EPHA6: variants seen among roughly 807,000 people sequenced by gnomAD.
EPHA6 encodes the protein EPH receptor A6, also known as ephrin type-A receptor 6.
Under a neutral mutation model 112.0 loss-of-function variants are expected in EPHA6, and 50 were observed. That is an observed-to-expected ratio of 0.45 (90% CI 0.36 to 0.56). The LOEUF is 0.56. Among genes scored for constraint, EPHA6 ranks in the 20% least tolerant of loss-of-function variants. The pLI is 0.00. For synonymous variants in EPHA6, 529 were observed against 490.7 expected, an observed-to-expected ratio of 1.08 and a Z score of -1.03; for missense variants, 1,280 against 1,417.4, an observed-to-expected ratio of 0.90 and a Z score of 1.56.
rs77277802 is a variant in EPHA6, at chr3:97,722,214, G to A, written c.2934+1804G>A. Among the ~76,000 whole-genome samples the A allele has an allele frequency of 6.8e-3, 1,035 of 152,216 alleles. 13 individuals carry two copies. The highest frequency in any genetic ancestry group is 0.024 in the African/African-American group (995 of 41,528). Reference sequence around the variant, plus strand: ...ACTGGTATCAGTAAGAAGTTCTTGAGCATCCATAGATGGCATATGTATATT... The same window carrying A: ...ACTGGTATCAGTAAGAAGTTCTTGAACATCCATAGATGGCATATGTATATT... On this transcript the variant is annotated intron_variant, in intron 15 of 17. Coordinates refer to ENST00000389672, the MANE Select transcript of EPHA6 (RefSeq NM_001080448.3).
intron 3 of EPHA6, among the ~76,000 whole-genome samples, chr3:97,047,521 AGAAAC>A (rs1460448410): frequency 1.3e-5 from 2 of 149,846 alleles, no homozygotes; most frequent in Non-Finnish European, 3.0e-5. Context: ...AAAAAAAAAA[AGAAAC>A]CAGAAGAGAA....
chr3:96,969,196 A>G (rs1279002905), intron 2 of EPHA6, among the ~76,000 whole-genome samples: 1 of 151,966 alleles, frequency 6.6e-6, no homozygotes, highest in African/African-American at 2.4e-5. Context: ...GAATTTTCCC[A>G]TTATATATGT....
chr3:97,516,349 C>T lies in EPHA6; in HGVS notation c.2201-16009C>T, dbSNP rs529776857. On this transcript the variant is annotated intron_variant, in intron 10 of 17. Transcript: ENST00000389672. ...ACAAGCCTTGTTAAGCATGAGAAAT[C>T]TTGCATAATATTGAACCTCTCTGTG... Among the ~76,000 whole-genome samples, 6 of 152,264 alleles carry T rather than the reference C, an allele frequency of 3.9e-5. No individual in the cohort carries two copies. In the East Asian group the frequency reaches 9.7e-4, roughly 25 times the overall value.
At chr3:97,188,636 T>C (rs2077219302) in intron 3 of EPHA6, among the ~76,000 whole-genome samples, 1 of 151,776 alleles carries the variant, frequency 6.6e-6, no homozygotes, top group Admixed American at 6.6e-5. Context: ...TATCATATGT[T>C]TGAAATATTT....
At chr3:97,112,864 T>C (rs1256632167) in intron 3 of EPHA6, among the ~76,000 whole-genome samples, 5 of 152,134 alleles carry the variant, frequency 3.3e-5, no homozygotes, top group Admixed American at 6.6e-5. Flanking sequence ...TACCAGTAAG[T>C]GATAGGATAG....
intron 14 of EPHA6, among the ~76,000 whole-genome samples, chr3:97,687,210 G>A (rs545349182): frequency 1.5e-4 from 22 of 151,654 alleles, no homozygotes; most frequent in African/African-American, 3.1e-4. Context: ...CATCTTTTTC[G>A]AGTGCTTTAT....
chr3:97,612,331 G>C (rs1560190037), intron 13 of EPHA6: 1 of 383,562 alleles, frequency 2.6e-6, no homozygotes, highest in African/African-American at 2.1e-5. Context: ...TGATGCTTGG[G>C]TTAGGTTGGT....
At chr3:97,511,261 G>A (rs1390593984) in intron 10 of EPHA6, among the ~76,000 whole-genome samples, 1 of 152,100 alleles carries the variant, frequency 6.6e-6, no homozygotes, top group Non-Finnish European at 1.5e-5. Context: ...CTCGGTGTCT[G>A]CCCAGACAGC....
rs188255701 is a variant in EPHA6 at position 97,546,526 on chromosome 3, T to C, written c.2386+13983T>C. Among the ~76,000 whole-genome samples, 801 of 152,298 alleles carry C rather than the reference T, an allele frequency of 5.3e-3. 4 individuals carry two copies. The highest frequency in any genetic ancestry group is 0.016 in the African/African-American group (677 of 41,558). Reference sequence around the variant, plus strand: ...TTTCCTTCATTTCAACTTTGGTAAATCTGACAATTATGTGTCTTGGGGTTG... The same window carrying C: ...TTTCCTTCATTTCAACTTTGGTAAACCTGACAATTATGTGTCTTGGGGTTG... On this transcript the variant is annotated intron_variant, in intron 11 of 17. Coordinates refer to ENST00000389672, the MANE Select transcript of EPHA6 (RefSeq NM_001080448.3).
chr3:96,918,443 G>A (rs893274307), intron 2 of EPHA6, among the ~76,000 whole-genome samples: 2 of 151,978 alleles, frequency 1.3e-5, no homozygotes, highest in African/African-American at 2.4e-5. Context: ...AAGGCATTAC[G>A]TATTGGATAC....
At chr3:97,164,746 T>C (rs982773899) in intron 3 of EPHA6, among the ~76,000 whole-genome samples, 9 of 152,130 alleles carry the variant, frequency 5.9e-5, no homozygotes, top group Non-Finnish European at 1.2e-4. Context: ...AGTCTTACTT[T>C]ACTTTTTCTC....
chr3:97,619,433 A>AGTG (rs796069226), intron 13 of EPHA6, among the ~76,000 whole-genome samples: 1 of 113,252 alleles, frequency 8.8e-6, no homozygotes, highest in Non-Finnish European at 2.0e-5. Context: ...CAATAGAAAA[A>AGTG]GGGGGGGGGG....
chr3:97,654,658 A>AG (rs2107616447), intron 14 of EPHA6, among the ~76,000 whole-genome samples: 1 of 152,006 alleles, frequency 6.6e-6, no homozygotes, highest in East Asian at 1.9e-4. Flanking sequence ...TTCAAAGATG[A>AG]GAAAAAAACA....
chr3:97,253,250 C>T (rs2079196002), intron 5 of EPHA6, among the ~76,000 whole-genome samples: 1 of 152,148 alleles, frequency 6.6e-6, no homozygotes. Context: ...TGAATGTTGA[C>T]ATTTTCCTGA....
intron 7 of EPHA6, among the ~76,000 whole-genome samples, chr3:97,461,391 T>G (rs184216905): frequency 2.6e-5 from 4 of 152,252 alleles, no homozygotes; most frequent in Non-Finnish European, 5.9e-5. Context: ...GTGCCTCAGT[T>G]TCCACATCTG....
intron 2 of EPHA6, among the ~76,000 whole-genome samples, chr3:96,874,781 T>C (rs2036846226): frequency 1.3e-5 from 2 of 152,084 alleles, no homozygotes; most frequent in African/African-American, 2.4e-5. Context: ...AGGATTTCTA[T>C]GTTAAGAGTT....
At chr3:97,523,527 C>A (rs909806393) in intron 10 of EPHA6, among the ~76,000 whole-genome samples, 5 of 151,874 alleles carry the variant, frequency 3.3e-5, no homozygotes, top group African/African-American at 1.2e-4. Flanking sequence ...CTGTATATAC[C>A]TGTTAGGTCC....
chr3:97,362,147 A>T (rs2084404563), intron 5 of EPHA6, among the ~76,000 whole-genome samples: 1 of 152,178 alleles, frequency 6.6e-6, no homozygotes, highest in South Asian at 2.1e-4. Context: ...ACAATAAAAT[A>T]CTTCAATGTG....
chr3:97,218,738 A>G lies in EPHA6; in HGVS notation c.1115-7526A>G, dbSNP rs562602196. ...TATCATATCCTTTTCACATTATGAT[A>G]CCAATCATGCCTTCCCAACTGTCCC... is the stretch of plus-strand genomic sequence containing the variant. On this transcript the variant is annotated intron_variant, in intron 3 of 17. Transcript: ENST00000389672. Among the ~76,000 whole-genome samples, 4 of 152,298 alleles carry G rather than the reference A, an allele frequency of 2.6e-5. No homozygotes were observed. In the South Asian group the frequency reaches 6.2e-4, roughly 24 times the overall value.
Sources: allele counts gnomAD v4.1 joint callset (sites outside exome capture counted in the v4.1 genomes callset), GRCh38; gene constraint gnomAD v4.1.1; transcripts MANE v1.5; gene names NCBI Gene and HGNC (gene_info 2026-07-23, HGNC 2026-07-21).